Variants in BIRC6 observed in about 807,000 individuals in gnomAD.
The protein encoded by BIRC6 is dual E2 ubiquitin-conjugating enzyme/E3 ubiquitin-protein ligase BIRC6.
BIRC6 carries 98 observed loss-of-function variants against 503.3 expected under a neutral mutation model. The ratio of observed to expected loss-of-function variants is 0.19; its 90% CI spans 0.17 to 0.23. The LOEUF is 0.23. Ranked by LOEUF, BIRC6 falls within the 10% of genes least tolerant of loss-of-function variation. BIRC6 has a pLI of 1.00. For synonymous variants in BIRC6, 2,240 were observed against 2,078.7 expected (o/e 1.08, Z -2.11); for missense variants, 5,360 against 5,806.0 (o/e 0.92, Z 2.50).
rs148770072 is a variant in BIRC6, at chr2:32,392,267, T to C, written c.951+117T>C. On this transcript the variant is annotated intron_variant, in intron 5 of 73. Coordinates refer to ENST00000421745, the MANE Select transcript of BIRC6 (RefSeq NM_016252.4). ...ATTTTGTGCACCTTGTATGCTTGCT[T>C]GTATGCATGGATGCTTGTTTTTTTG... 7.6e-5 allele frequency: 53 copies of C among 698,542 alleles called. No homozygotes were observed. The East Asian group carries it at 1.5e-3, about 20-fold the overall frequency. The allele number at this position is 698,542 out of a possible 1,614,324, so 43.3% of individuals were successfully genotyped here. A position where few individuals can be genotyped will look rare whatever the true frequency, so the allele number is the denominator to read the frequency against.
At chr2:32,372,215 T>G (rs1002783267) in intron 1 of BIRC6, among the ~76,000 whole-genome samples, 1 of 152,150 alleles carries the variant, frequency 6.6e-6, no homozygotes, top group Non-Finnish European at 1.5e-5. Context: ...ATGCATAGAT[T>G]GATGTAACCC....
At position 32,470,239 on chromosome 2, in the gene BIRC6, A is replaced by G. The variant is rs2048970246; in HGVS notation, c.6419A>G (p.Asn2140Ser). The stretch of plus-strand genomic sequence containing the variant: ...AGTGGAGTATTAGAAAGCTTACTTA[A>G]TCTCTTGGATAATTTATTGTCACCT... ...SNSGVLESLL[N>S]LLDNLLSPLQ... is the part of the protein sequence containing the mutation. The change falls in exon 31 of 74, where the codon AAT (asparagine) becomes AGT (serine). Residue 2140 changes from asparagine (N) to serine (S), a missense_variant. Asn to Ser is a conservative substitution (Grantham distance 46). Transcript: ENST00000421745. 1 of 1,571,912 alleles carries G rather than the reference A, an allele frequency of 6.4e-7. No individual in the cohort carries two copies. Among genetic ancestry groups the G allele is most frequent in the South Asian group, 1.2e-5 (1 of 85,536 alleles).
At chr2:32,372,173 A>G (rs558802367) in intron 1 of BIRC6, among the ~76,000 whole-genome samples, 5 of 152,068 alleles carry the variant, frequency 3.3e-5, no homozygotes, top group South Asian at 2.1e-4. Flanking sequence ...AAAGTTGTCT[A>G]TTTTTTGTGT....
chr2:32,397,574 CTGTGTGTGTGTGTGTG>C (rs147651911), intron 6 of BIRC6, among the ~76,000 whole-genome samples: 13 of 138,066 alleles, frequency 9.4e-5, no homozygotes, highest in African/African-American at 2.5e-4. Context: ...CCCGTAAAGG[CTGTGTGTGTGTGTGTG>C]TGTGTGTGTG....
chr2:32,482,273 T>G (rs1414049594), intron 38 of BIRC6, among the ~76,000 whole-genome samples, 156 bp from the exon 39 acceptor site: 1 of 152,224 alleles, frequency 6.6e-6, no homozygotes. Flanking sequence ...ACTGGACCAT[T>G]CTTATAAATC....
chr2:32,510,038 G>T, intron 52 of BIRC6, 44 bp downstream of exon 52: 1 of 1,595,962 alleles, frequency 6.3e-7, no homozygotes, highest in Non-Finnish European at 8.5e-7. Flanking sequence ...TATCTGTAAA[G>T]TAACAGCAGT....
At chr2:32,426,282 C>T (rs1397298570) in intron 10 of BIRC6, among the ~76,000 whole-genome samples, 1 of 152,206 alleles carries the variant, frequency 6.6e-6, no homozygotes, top group African/African-American at 2.4e-5. Context: ...CTCCCCACCC[C>T]ATACATTACA....
chr2:32,379,127 A>G (rs889926516), intron 2 of BIRC6: 9 of 152,204 alleles, frequency 5.9e-5, no homozygotes, highest in Admixed American at 5.2e-4. Flanking sequence ...TATTGAAAGC[A>G]TGTTGCTGAA....
At chr2:32,571,508 A>G (rs1472245790) in intron 65 of BIRC6, among the ~76,000 whole-genome samples, 1 of 150,066 alleles carries the variant, frequency 6.7e-6, no homozygotes, top group Non-Finnish European at 1.5e-5. Context: ...GTTTCCAGGA[A>G]TTTACTTGTT....
At chr2:32,581,095 C>T (rs546682017) in intron 66 of BIRC6, among the ~76,000 whole-genome samples, 3 of 152,210 alleles carry the variant, frequency 2.0e-5, no homozygotes, top group South Asian at 4.1e-4. Context: ...AGCTATGATC[C>T]GTCGATTGAT....
chr2:32,374,104 G>A (rs889865120), intron 1 of BIRC6, among the ~76,000 whole-genome samples: 3 of 152,004 alleles, frequency 2.0e-5, no homozygotes, highest in South Asian at 2.1e-4. Flanking sequence ...CCTTTATCCT[G>A]ATGGATAAAC....
intron 65 of BIRC6, among the ~76,000 whole-genome samples, chr2:32,571,733 G>C (rs1464526878): frequency 1.3e-5 from 2 of 151,952 alleles, no homozygotes; most frequent in African/African-American, 4.8e-5. Context: ...TTTTTGTTGT[G>C]GGGGGCTGTA....
At chr2:32,532,042 A>G (rs1040244324) in intron 61 of BIRC6, 7 of 506,836 alleles carry the variant, frequency 1.4e-5, no homozygotes, top group Admixed American at 8.0e-5. Flanking sequence ...TCTTGTATCA[A>G]TCAGTAGGAA....
rs552161728 is a variant in BIRC6, at chr2:32,584,233, T to TA, written c.13355+8874dup. Among the ~76,000 whole-genome samples the TA allele has an allele frequency of 7.9e-5, 12 of 152,064 alleles. No homozygotes were observed. The South Asian group carries it at 2.5e-3, about 32-fold the overall frequency. On this transcript the variant is annotated intron_variant, in intron 66 of 73. Coordinates refer to ENST00000421745, the MANE Select transcript of BIRC6 (RefSeq NM_016252.4). ...TCTTCTTTAAAATAATATTTAAATTTAAAAAAATTTTTTTGGCTGGGTGCA... is the reference window on the plus strand; with the variant it reads ...TCTTCTTTAAAATAATATTTAAATTTAAAAAAAATTTTTTTGGCTGGGTGCA...
In BIRC6 at chr2:32,397,604, G is replaced by GTA. The variant is rs1184584100; in HGVS notation, c.1034+2017_1034+2018dup. On this transcript the variant is annotated intron_variant, in intron 6 of 73. Transcript: ENST00000421745. ...TGTGTGTGTGTGTGTGTGTGTGTGT[G>GTA]TATATATGTGTGTATATATATATAT... 2.5e-3 allele frequency among the ~76,000 whole-genome samples: 280 copies of GTA among 111,946 alleles called. 2 individuals are homozygous for GTA. The highest frequency in any genetic ancestry group is 0.023 in the South Asian group (77 of 3,330). 73.4% of individuals were successfully genotyped at this position (111,946 alleles called of 152,430 possible). A position where few individuals can be genotyped will look rare whatever the true frequency, so the allele number is the denominator to read the frequency against.
chr2:32,371,480 G>A (rs951999448), intron 1 of BIRC6, among the ~76,000 whole-genome samples: 21 of 151,544 alleles, frequency 1.4e-4, no homozygotes, highest in African/African-American at 2.4e-5. Context: ...GTTTAAGTGA[G>A]TCTCCTGCCT....
rs181497219 is a variant in BIRC6, at chr2:32,419,639, T to G, written c.2872+3476T>G. ...TACTTGACAAAAAATGCTTAAAAAA[T>G]AAAGTTTTTTAAAAGGCCGCAATTA... On this transcript the variant is annotated intron_variant, in intron 10 of 73. Transcript: ENST00000421745. Among the ~76,000 whole-genome samples, 1,123 of 150,390 alleles carry G rather than the reference T, an allele frequency of 7.5e-3. 7 individuals are homozygous for G. The highest frequency in any genetic ancestry group is 0.02 in the Middle Eastern group (6 of 294).
chr2:32,518,174 T>G (rs2055265833), intron 55 of BIRC6, 80 bp from the exon 56 acceptor site: 1 of 1,323,276 alleles, frequency 7.6e-7, no homozygotes, highest in Non-Finnish European at 1.0e-6. Flanking sequence ...ATTCATATTT[T>G]CTGTTTCCTT....
At chr2:32,594,919 G>T in intron 67 of BIRC6, 115 bp from the exon 68 acceptor site, 2 of 583,358 alleles carry the variant, frequency 3.4e-6, no homozygotes, top group South Asian at 3.2e-5. Context: ...TGAAGAAGTT[G>T]ACAATTTTTT....
Sources: gnomAD v4.1 joint callset for allele counts (sites outside exome capture counted in the v4.1 genomes callset) on GRCh38, gnomAD v4.1.1 for gene constraint, MANE v1.5 for transcripts, NCBI Gene and HGNC (gene_info 2026-07-23, HGNC 2026-07-21) for gene names.